DLGAP1: variants seen among roughly 807,000 people sequenced by gnomAD.
The protein encoded by DLGAP1 is disks large-associated protein 1.
DLGAP1 carries 11 observed loss-of-function variants against 90.8 expected under a neutral mutation model. The ratio of observed to expected loss-of-function variants is 0.12; its 90% CI spans 0.08 to 0.20. The LOEUF is 0.20. DLGAP1 is among the 10% of genes least tolerant of loss of function. The pLI is 1.00. For synonymous variants in DLGAP1, 558 were observed against 540.7 expected, an observed-to-expected ratio of 1.03 and a Z score of -0.44; for missense variants, 1,050 against 1,333.8, an observed-to-expected ratio of 0.79 and a Z score of 3.31.
chr18:4,189,979 G>A lies in DLGAP1; in HGVS notation c.-266-38692C>T, dbSNP rs941018066. 3.1e-4 allele frequency among the ~76,000 whole-genome samples: 47 copies of A among 152,216 alleles called. 1 individual carries two copies. The highest frequency in any genetic ancestry group is 1.1e-3 in the African/African-American group (44 of 41,568). ...AATGGTACAGTCACTTTAGAAGACA[G>A]CCTAGCAGTTTTATGCAAACCTTAT... is the stretch of plus-strand genomic sequence containing the variant. On this transcript the variant is annotated intron_variant, in intron 1 of 12. Transcript: ENST00000315677.
chr18:4,218,665 C>T (rs1391981248), intron 1 of DLGAP1, among the ~76,000 whole-genome samples: 1 of 151,848 alleles, frequency 6.6e-6, no homozygotes, highest in African/African-American at 2.4e-5. Flanking sequence ...CTACTCTATA[C>T]GTCTATGAAT....
intron 7 of DLGAP1, among the ~76,000 whole-genome samples, chr18:3,619,649 G>C (rs2058021747): frequency 6.6e-6 from 1 of 151,038 alleles, no homozygotes; most frequent in South Asian, 2.1e-4. Context: ...CTGCGACACT[G>C]CTTTATTATC....
intron 1 of DLGAP1, among the ~76,000 whole-genome samples, chr18:4,160,175 A>G (rs1040572084): frequency 2.0e-5 from 3 of 152,250 alleles, no homozygotes; most frequent in African/African-American, 7.2e-5. Context: ...TCTTGGCTAA[A>G]AGGAGGTTTA....
intron 1 of DLGAP1, among the ~76,000 whole-genome samples, chr18:4,314,509 C>A (rs147636704): frequency 1.3e-5 from 2 of 152,024 alleles, no homozygotes; most frequent in African/African-American, 4.8e-5. Context: ...GTTTCTACAA[C>A]GGTAATTAAA....
intron 2 of DLGAP1, among the ~76,000 whole-genome samples, chr18:4,128,678 GA>G (rs2076268318): frequency 6.6e-6 from 1 of 152,098 alleles, no homozygotes; most frequent in Non-Finnish European, 1.5e-5. Context: ...GAAGAAGCAG[GA>G]CCAAGGAGCA....
At chr18:4,310,840 T>C (rs1217659544) in intron 1 of DLGAP1, among the ~76,000 whole-genome samples, 5 of 152,158 alleles carry the variant, frequency 3.3e-5, no homozygotes, top group Non-Finnish European at 7.4e-5. Context: ...TTCACATCAT[T>C]CTCATATATA....
chr18:3,611,079 CTATGATCGCA>C (rs2057596710), intron 7 of DLGAP1, among the ~76,000 whole-genome samples: 1 of 151,570 alleles, frequency 6.6e-6, no homozygotes, highest in African/African-American at 2.4e-5. Flanking sequence ...CTGCTGTGAG[CTATGATCGCA>C]CCACTGCACT....
chr18:3,917,147 A>C (rs1453427567), intron 3 of DLGAP1, among the ~76,000 whole-genome samples: 4 of 152,246 alleles, frequency 2.6e-5, no homozygotes, highest in African/African-American at 9.6e-5. Context: ...GTGAAGGCTA[A>C]GCTACGGTGT....
At chr18:3,722,542 G>A (rs1255074512) in intron 7 of DLGAP1, 2 of 152,160 alleles carry the variant, frequency 1.3e-5, no homozygotes, top group South Asian at 2.1e-4. Flanking sequence ...GCCTGCAAGG[G>A]TGGAAGTACG....
chr18:4,407,887 AATAT>A (rs142892793), intron 1 of DLGAP1, among the ~76,000 whole-genome samples: 94,384 of 127,772 alleles, frequency 0.74, 32,528 homozygotes, highest in East Asian at 0.78. Flanking sequence ...TAAATAAATA[AATAT>A]ATAAATAAAT....
At chr18:4,041,051 A>T (rs1314577642) in intron 2 of DLGAP1, among the ~76,000 whole-genome samples, 2 of 152,222 alleles carry the variant, frequency 1.3e-5, no homozygotes, top group African/African-American at 4.8e-5. Flanking sequence ...AGCAGGGTGA[A>T]GCAATAGCAG....
intron 7 of DLGAP1, among the ~76,000 whole-genome samples, chr18:3,715,870 C>T (rs1307929323): frequency 6.6e-6 from 1 of 152,122 alleles, no homozygotes; most frequent in Non-Finnish European, 1.5e-5. Context: ...TCAAAAACCA[C>T]CTGCAACTGT....
chr18:4,301,150 T>C (rs1017621055), intron 1 of DLGAP1, among the ~76,000 whole-genome samples: 2 of 152,152 alleles, frequency 1.3e-5, no homozygotes, highest in Admixed American at 1.3e-4. Flanking sequence ...GAAATTCACT[T>C]CCTTAGTGAT....
In DLGAP1 at chr18:3,653,043, G is replaced by A. The variant is rs76006397; in HGVS notation, c.1592-70795C>T. Among the ~76,000 whole-genome samples, 2,033 of 152,246 alleles carry A rather than the reference G, an allele frequency of 0.013. 49 individuals are homozygous for A. Among genetic ancestry groups the A allele is most frequent in the African/African-American group, 0.047 (1,943 of 41,540 alleles). ...AATATCAGAGTCATTCTGACTCAGG[G>A]GTGACTCAGCTCTTCCATGACCTGT... On this transcript the variant is annotated intron_variant, in intron 7 of 12. Coordinates refer to ENST00000315677, the MANE Select transcript of DLGAP1 (RefSeq NM_004746.4). The surrounding 1 kb of genome is among the most constrained non-coding windows in gnomAD (Gnocchi z 4.6).
intron 5 of DLGAP1, among the ~76,000 whole-genome samples, chr18:3,779,122 C>A (rs1038079805): frequency 1.3e-5 from 2 of 152,206 alleles, no homozygotes; most frequent in African/African-American, 4.8e-5. Flanking sequence ...GTTGTCCTCC[C>A]TCCTTCTGTC....
At chr18:3,586,113 A>G (rs1047259926) in intron 7 of DLGAP1, among the ~76,000 whole-genome samples, 2 of 152,164 alleles carry the variant, frequency 1.3e-5, no homozygotes, top group African/African-American at 4.8e-5. Context: ...GACATCTACC[A>G]TGGTTAGACT....
intron 7 of DLGAP1, among the ~76,000 whole-genome samples, chr18:3,604,594 A>G (rs1003788844): frequency 6.6e-6 from 1 of 152,136 alleles, no homozygotes; most frequent in Non-Finnish European, 1.5e-5. Context: ...GCCAAAACTC[A>G]GCATTATCTG....
At position 4,100,804 on chromosome 18, in the gene DLGAP1, C is replaced by T. The variant is rs979435135; in HGVS notation, c.-159+50376G>A. 1.6e-4 allele frequency among the ~76,000 whole-genome samples: 24 copies of T among 152,208 alleles called. 1 individual carries two copies. Among genetic ancestry groups the T allele is most frequent in the Admixed American group, 9.8e-4 (15 of 15,280 alleles). ...CACTTTCACTTTTATGTTAGAAAGACAGCTTCTTTCCTTAAACCTGATGAA... is the reference window on the plus strand; with the variant it reads ...CACTTTCACTTTTATGTTAGAAAGATAGCTTCTTTCCTTAAACCTGATGAA... On this transcript the variant is annotated intron_variant, in intron 2 of 12. Coordinates refer to ENST00000315677, the MANE Select transcript of DLGAP1 (RefSeq NM_004746.4).
At chr18:3,596,567 T>C in intron 7 of DLGAP1, 1 of 227,166 alleles carries the variant, frequency 4.4e-6, no homozygotes, top group South Asian at 4.6e-5. Context: ...TTTTTTTTTT[T>C]TTTCTGGCCA....
Sources: allele counts gnomAD v4.1 joint callset (sites outside exome capture counted in the v4.1 genomes callset), GRCh38; gene constraint gnomAD v4.1.1; non-coding constraint Gnocchi (gnomAD v3.1); transcripts MANE v1.5; gene names NCBI Gene and HGNC (gene_info 2026-07-23, HGNC 2026-07-21).